The following C4orf50 variants were observed in gnomAD, a reference collection of about 807,000 sequenced individuals.
The protein encoded by C4orf50 is uncharacterized protein C4orf50.
In C4orf50, 80 loss-of-function variants were observed where a neutral mutation model predicts 77.2. The observed-to-expected ratio is 1.04, with a 90% CI of 0.87 to 1.25. The LOEUF is 1.25. Among genes scored for constraint, C4orf50 ranks in the 50% most tolerant of loss-of-function variants. The pLI, the probability that C4orf50 is intolerant of heterozygous loss-of-function variation, is 0.00. For synonymous variants in C4orf50, 532 were observed against 465.3 expected (o/e 1.14, Z -1.84); for missense variants, 1,257 against 1,152.9 (o/e 1.09, Z -1.31).
chr4:5,942,218 C>T (rs1015665328), intron 7 of C4orf50, among the ~76,000 whole-genome samples: 2 of 152,174 alleles, frequency 1.3e-5, no homozygotes, highest in African/African-American at 2.4e-5. Context: ...TAACAATCAA[C>T]GCCAGACAAA....
At position 5,970,692 on chromosome 4, in the gene C4orf50, C is replaced by T. The variant is rs1240635128; in HGVS notation, c.4104+2967G>A. On this transcript the variant is annotated intron_variant, in intron 31 of 33. Coordinates refer to ENST00000531445, the Ensembl canonical transcript of C4orf50. This position sits in a 1 kb window ranked among gnomAD's most constrained non-coding sequence, Gnocchi z 4.3. ...GGAAATACAAAGACTCAGTCACGTG[C>T]AGGGAGGGGAGGTGGTCACCGACTG... Among the ~76,000 whole-genome samples, 1 of 152,222 alleles carries T rather than the reference C, an allele frequency of 6.6e-6. No homozygotes were observed. The highest frequency in any genetic ancestry group is 1.5e-5 in the Non-Finnish European group (1 of 68,032).
At chr4:5,975,261 G>T (rs965627804) in intron 30 of C4orf50, among the ~76,000 whole-genome samples, 2 of 151,474 alleles carry the variant, frequency 1.3e-5, no homozygotes, top group Non-Finnish European at 2.9e-5. Context: ...GAGCGCAGGG[G>T]TGGTGATTTT....
intron 7 of C4orf50, among the ~76,000 whole-genome samples, chr4:5,925,418 G>A (rs965409496): frequency 1.3e-5 from 2 of 152,196 alleles, no homozygotes; most frequent in African/African-American, 2.4e-5. Flanking sequence ...CGTACATTCC[G>A]CAGCATGAGA....
chr4:5,991,779 G>T (rs4309775), intron 27 of C4orf50, among the ~76,000 whole-genome samples: 28,239 of 152,072 alleles, frequency 0.19, 2,787 homozygotes, highest in African/African-American at 0.21. Flanking sequence ...CCTTTGGAGG[G>T]TGACATACCA....
At chr4:5,920,628 C>G in intron 7 of C4orf50, among the ~76,000 whole-genome samples, 1 of 151,936 alleles carries the variant, frequency 6.6e-6, no homozygotes, top group Non-Finnish European at 1.5e-5. Flanking sequence ...AGGTGTGTGC[C>G]ACCATGCCCT....
intron 25 of C4orf50, among the ~76,000 whole-genome samples, chr4:6,004,406 A>T (rs113606760): frequency 0.056 from 693 of 12,384 alleles, no homozygotes; most frequent in Admixed American, 0.089. Flanking sequence ...ATGGTGATGG[A>T]GATGTTGGTG....
intron 30 of C4orf50, among the ~76,000 whole-genome samples, chr4:5,975,490 C>A (rs969350976): frequency 3.9e-5 from 5 of 127,630 alleles, no homozygotes; most frequent in African/African-American, 6.4e-5. Flanking sequence ...TTCTTCTTTG[C>A]GGTTTTTTTG....
intron 30 of C4orf50, among the ~76,000 whole-genome samples, chr4:5,974,206 A>T (rs1329311765): frequency 6.6e-6 from 1 of 152,210 alleles, no homozygotes; most frequent in Admixed American, 6.5e-5. Context: ...CCAGGATAAA[A>T]GGAGACGGCG....
rs1421135957 is a variant in C4orf50, at chr4:5,970,703, G to A, written c.4104+2956C>T. On this transcript the variant is annotated intron_variant, in intron 31 of 33. Transcript: ENST00000531445. This position sits in a 1 kb window ranked among gnomAD's most constrained non-coding sequence, Gnocchi z 4.3. ...GACTCAGTCACGTGCAGGGAGGGGA[G>A]GTGGTCACCGACTGCTGCTTGCATG... 1.3e-5 allele frequency among the ~76,000 whole-genome samples: 2 copies of A among 152,228 alleles called. No individual in the cohort carries two copies. Among genetic ancestry groups the A allele is most frequent in the Admixed American group, 1.3e-4 (2 of 15,284 alleles).
At chr4:5,984,416 C>T (rs1272921470) in intron 28 of C4orf50, among the ~76,000 whole-genome samples, 2 of 152,138 alleles carry the variant, frequency 1.3e-5, no homozygotes, top group African/African-American at 4.8e-5. Flanking sequence ...CAAAACCAAA[C>T]CCCTCAAGGT....
chr4:6,009,873 C>T lies in C4orf50; in HGVS notation c.427-1341G>A, dbSNP rs556579701. Among the ~76,000 whole-genome samples, 8 of 152,292 alleles carry T rather than the reference C, an allele frequency of 5.3e-5. No homozygotes were observed. The highest frequency in any genetic ancestry group is 3.3e-4 in the Admixed American group (5 of 15,298). On this transcript the variant is annotated intron_variant, in intron 24 of 33. Transcript: ENST00000531445. This position sits in a 1 kb window ranked among gnomAD's most constrained non-coding sequence, Gnocchi z 5.6. Reference sequence around the variant, plus strand: ...GAGACCCTAAGCAATTTCCCTATCACTTTGAACATCTGCCGCCTGTCTGGA... The same window carrying T: ...GAGACCCTAAGCAATTTCCCTATCATTTTGAACATCTGCCGCCTGTCTGGA...
chr4:5,991,712 C>T (rs111233390), intron 27 of C4orf50, among the ~76,000 whole-genome samples: 2 of 152,176 alleles, frequency 1.3e-5, no homozygotes, highest in African/African-American at 4.8e-5. Context: ...CTGAGCAGGT[C>T]TAAGACACAG....
At chr4:5,926,183 C>T (rs947195046) in intron 7 of C4orf50, among the ~76,000 whole-genome samples, 3 of 152,276 alleles carry the variant, frequency 2.0e-5, no homozygotes, top group African/African-American at 7.2e-5. Flanking sequence ...ATGGAGACAA[C>T]CAAAATGTTC....
chr4:5,942,664 C>G (rs1370091253), intron 7 of C4orf50, among the ~76,000 whole-genome samples: 1 of 152,200 alleles, frequency 6.6e-6, no homozygotes, highest in African/African-American at 2.4e-5. Flanking sequence ...AGGTGCTGCT[C>G]TTATCCCCAT....
exon 34 of C4orf50, chr4:5,959,600 A>T: frequency 6.2e-7 from 1 of 1,614,074 alleles, no homozygotes; most frequent in Non-Finnish European, 8.5e-7. Flanking sequence ...TTCCAGGATC[A>T]AGCGTGGACA....
intron 25 of C4orf50, among the ~76,000 whole-genome samples, chr4:5,996,958 A>AC (rs1375863963): frequency 1.3e-5 from 2 of 151,584 alleles, no homozygotes; most frequent in African/African-American, 4.9e-5. Flanking sequence ...GCTTAAAATC[A>AC]TCATTGGAGT....
At chr4:5,923,090 G>A (rs114452584) in intron 7 of C4orf50, among the ~76,000 whole-genome samples, 4 of 152,252 alleles carry the variant, frequency 2.6e-5, no homozygotes, top group South Asian at 2.1e-4. Context: ...GAGTAGACGC[G>A]ATTTTCCCTG....
intron 31 of C4orf50, among the ~76,000 whole-genome samples, chr4:5,973,416 C>T (rs573071039): frequency 3.9e-5 from 6 of 152,358 alleles, no homozygotes; most frequent in Admixed American, 6.5e-5. Flanking sequence ...TCACTGTTTA[C>T]GTCTGTGCCT....
chr4:5,907,633 A>G (rs1716612512), intron 7 of C4orf50, among the ~76,000 whole-genome samples: 4 of 152,240 alleles, frequency 2.6e-5, no homozygotes, highest in Admixed American at 1.3e-4. Context: ...ATCATCCAGA[A>G]TTCAGCCCAG....
Sources: gnomAD v4.1 joint callset for allele counts (sites outside exome capture counted in the v4.1 genomes callset) on GRCh38, gnomAD v4.1.1 for gene constraint, Gnocchi (gnomAD v3.1) non-coding constraint, MANE v1.5 for transcripts, NCBI Gene and HGNC (gene_info 2026-07-23, HGNC 2026-07-21) for gene names.